The following PTPRT variants were observed in gnomAD, a reference collection of about 807,000 sequenced individuals.
The protein encoded by PTPRT is protein tyrosine phosphatase receptor type T.
A neutral mutation model predicts 176.8 loss-of-function variants in PTPRT; 56 were observed. The observed-to-expected ratio is 0.32, with a 90% confidence interval of 0.26 to 0.40. The LOEUF is 0.40. Ranked by LOEUF, PTPRT falls within the 10% of genes least tolerant of loss-of-function variation. PTPRT has a pLI of 1.00. For missense variants in PTPRT, 1,540 were observed against 1,908.2 expected (o/e 0.81, Z 3.60); for synonymous variants, 783 against 739.0 (o/e 1.06, Z -0.96).
intron 14 of PTPRT, among the ~76,000 whole-genome samples, chr20:42,241,231 A>C (rs2056347829): frequency 6.6e-6 from 1 of 152,166 alleles, no homozygotes; most frequent in African/African-American, 2.4e-5. Flanking sequence ...GATAGGAGTG[A>C]GGAGGGAAAG....
intron 1 of PTPRT, among the ~76,000 whole-genome samples, chr20:43,100,536 G>A (rs527705188): frequency 3.9e-5 from 6 of 152,144 alleles, no homozygotes; most frequent in Non-Finnish European, 8.8e-5. Flanking sequence ...AAAACATTAG[G>A]CCTTGACATA....
At chr20:42,500,243 A>G (rs1248145784) in intron 7 of PTPRT, among the ~76,000 whole-genome samples, 1 of 152,050 alleles carries the variant, frequency 6.6e-6, no homozygotes, top group Non-Finnish European at 1.5e-5. Context: ...AATTTCCACA[A>G]ACTTCACCCT....
chr20:42,608,029 G>A (rs955742300), intron 7 of PTPRT, among the ~76,000 whole-genome samples: 3 of 152,150 alleles, frequency 2.0e-5, no homozygotes, highest in Non-Finnish European at 4.4e-5. Context: ...CCTGGTGGGA[G>A]TACTATCTCC....
chr20:42,750,726 A>C (rs951978385), intron 6 of PTPRT, among the ~76,000 whole-genome samples: 1 of 152,176 alleles, frequency 6.6e-6, no homozygotes, highest in African/African-American at 2.4e-5. Flanking sequence ...TGAATTAGAA[A>C]ATTTTCATCA....
chr20:42,364,670 G>T (rs2145577496), intron 9 of PTPRT, among the ~76,000 whole-genome samples: 1 of 152,228 alleles, frequency 6.6e-6, no homozygotes, highest in Admixed American at 6.5e-5. Context: ...TGCTGTTTAT[G>T]GAACTGTCAT....
intron 1 of PTPRT, among the ~76,000 whole-genome samples, chr20:43,115,598 G>A (rs1245382238): frequency 6.6e-6 from 1 of 152,150 alleles, no homozygotes; most frequent in Non-Finnish European, 1.5e-5. Context: ...CCAGCATCTA[G>A]TGTATAGAGA....
intron 6 of PTPRT, among the ~76,000 whole-genome samples, chr20:42,725,592 A>G (rs547367673): frequency 6.6e-6 from 1 of 152,198 alleles, no homozygotes; most frequent in South Asian, 2.1e-4. Context: ...TCCAAGTCCT[A>G]GGGACTTTTA....
intron 23 of PTPRT, among the ~76,000 whole-genome samples, chr20:42,109,888 T>TTTG (rs1360570519): frequency 1.3e-5 from 2 of 152,112 alleles, no homozygotes; most frequent in African/African-American, 4.8e-5. Context: ...TGCTATTCCT[T>TTTG]TTGTTAGCTG....
intron 7 of PTPRT, among the ~76,000 whole-genome samples, chr20:42,572,619 C>T (rs755335403): frequency 2.6e-5 from 4 of 152,230 alleles, no homozygotes; most frequent in Non-Finnish European, 5.9e-5. Flanking sequence ...AGGCAAGGTC[C>T]ACTTCTCATG....
intron 8 of PTPRT, among the ~76,000 whole-genome samples, chr20:42,450,195 A>T (rs1186497204): frequency 6.6e-6 from 1 of 152,270 alleles, no homozygotes; most frequent in African/African-American, 2.4e-5. Context: ...GAGCATGCTT[A>T]TAGGTAAGTA....
At chr20:43,154,365 T>C (rs1165329797) in intron 1 of PTPRT, among the ~76,000 whole-genome samples, 1 of 152,224 alleles carries the variant, frequency 6.6e-6, no homozygotes, top group Non-Finnish European at 1.5e-5. Context: ...CTCTATTCTC[T>C]TCCATTGGTT....
rs1341225605 is a variant in PTPRT at position 42,568,043 on chromosome 20, C to T, written c.1154-95481G>A. ...GGAGTGCAGTGACACGATCTTGGCT[C>T]ACTGCAACCGCCGCCTCCTGGGTTC... On this transcript the variant is annotated intron_variant, in intron 7 of 30. Transcript: ENST00000373187. Among the ~76,000 whole-genome samples, 5 of 151,196 alleles carry T rather than the reference C, an allele frequency of 3.3e-5. No homozygotes were observed. In the East Asian group the frequency reaches 9.7e-4, roughly 29 times the overall value.
chr20:42,669,744 G>T (rs948157209), intron 7 of PTPRT, among the ~76,000 whole-genome samples: 7 of 152,076 alleles, frequency 4.6e-5, no homozygotes, highest in Non-Finnish European at 1.0e-4. Flanking sequence ...ATGTTGCCCT[G>T]AAAGACCCTT....
At chr20:42,444,646 G>A (rs557057529) in intron 9 of PTPRT, among the ~76,000 whole-genome samples, 1 of 152,202 alleles carries the variant, frequency 6.6e-6, no homozygotes, top group East Asian at 1.9e-4. Flanking sequence ...GGCCAAGGTT[G>A]TATATAGAAG....
chr20:42,837,026 G>T lies in PTPRT; in HGVS notation c.215-45560C>A, dbSNP rs189751331. On this transcript the variant is annotated intron_variant, in intron 2 of 30. Coordinates refer to ENST00000373187, the MANE Select transcript of PTPRT (RefSeq NM_007050.6). ...CCAGACTTAACTGCCGCACCGCATG[G>T]TTTCCCTAATGACAGGCACTTCTTG... is the stretch of plus-strand genomic sequence containing the variant. Among the ~76,000 whole-genome samples, 437 of 152,294 alleles carry T rather than the reference G, an allele frequency of 2.9e-3. 4 individuals are homozygous for T. Among genetic ancestry groups the T allele is most frequent in the African/African-American group, 0.01 (425 of 41,572 alleles).
At chr20:42,353,711 AAC>A (rs1445151363) in intron 9 of PTPRT, among the ~76,000 whole-genome samples, 1 of 152,212 alleles carries the variant, frequency 6.6e-6, no homozygotes, top group African/African-American at 2.4e-5. Flanking sequence ...TGAAGTGGCA[AAC>A]ACAAGATTTT....
chr20:42,150,846 G>A (rs557207969), intron 17 of PTPRT, among the ~76,000 whole-genome samples: 3 of 152,122 alleles, frequency 2.0e-5, no homozygotes, highest in Non-Finnish European at 4.4e-5. Context: ...GTGTTTAAAC[G>A]ACTCTATTTA....
chr20:42,872,878 C>A (rs1230463593), intron 2 of PTPRT, among the ~76,000 whole-genome samples: 1 of 152,130 alleles, frequency 6.6e-6, no homozygotes, highest in Non-Finnish European at 1.5e-5. Flanking sequence ...AGTGACAGAT[C>A]TGGGATGAGT....
intron 7 of PTPRT, among the ~76,000 whole-genome samples, chr20:42,650,614 C>T (rs1356162983): frequency 2.6e-5 from 4 of 152,174 alleles, no homozygotes; most frequent in Non-Finnish European, 5.9e-5. Context: ...TGTTGAAAGA[C>T]TCAGCATGCA....
Sources: allele counts gnomAD v4.1 joint callset (sites outside exome capture counted in the v4.1 genomes callset), GRCh38; gene constraint gnomAD v4.1.1; transcripts MANE v1.5; gene names NCBI Gene and HGNC (gene_info 2026-07-23, HGNC 2026-07-21).